MAD1L1: variants seen among roughly 807,000 people sequenced by gnomAD.
The protein encoded by MAD1L1 is mitotic spindle assembly checkpoint protein MAD1.
In MAD1L1, 95 loss-of-function variants were observed where a neutral mutation model predicts 96.9. That is an observed-to-expected ratio of 0.98 (90% confidence interval 0.83 to 1.16). The LOEUF is 1.16. Among genes scored for constraint, MAD1L1 ranks in the 50% most tolerant of loss-of-function variants. The probability of loss-of-function intolerance (pLI) is 0.00; values close to 1 mark genes in which losing one functional copy is unlikely to be tolerated. For missense variants in MAD1L1, 1,007 were observed against 954.4 expected (o/e 1.06, Z -0.73); for synonymous variants, 473 against 396.6 (o/e 1.19, Z -2.29).
intron 11 of MAD1L1, among the ~76,000 whole-genome samples, chr7:2,095,021 TAGTA>T (rs2128547321): frequency 6.6e-6 from 1 of 151,550 alleles, no homozygotes; most frequent in African/African-American, 2.4e-5. Flanking sequence ...AATCATTAAA[TAGTA>T]AATATATATA....
intron 11 of MAD1L1, among the ~76,000 whole-genome samples, chr7:2,077,385 C>T (rs1381370538): frequency 1.3e-5 from 2 of 152,198 alleles, no homozygotes; most frequent in Non-Finnish European, 2.9e-5. Context: ...AAGCCTTGAG[C>T]GACTGAGTCA....
At chr7:1,819,754 ACAC>A (rs984072908) in intron 18 of MAD1L1, among the ~76,000 whole-genome samples, 8 of 151,928 alleles carry the variant, frequency 5.3e-5, no homozygotes, top group African/African-American at 1.9e-4. Context: ...GAGACAGCGC[ACAC>A]CACCAACTCT....
At chr7:2,195,159 CT>C (rs1297498104) in intron 10 of MAD1L1, among the ~76,000 whole-genome samples, 11 of 152,246 alleles carry the variant, frequency 7.2e-5, no homozygotes, top group Non-Finnish European at 1.5e-4. Context: ...GCAGTGACCC[CT>C]ACTGGGTTAT....
chr7:2,071,006 C>T (rs1184350479), intron 11 of MAD1L1, among the ~76,000 whole-genome samples: 2 of 151,920 alleles, frequency 1.3e-5, no homozygotes, highest in Admixed American at 1.3e-4. Context: ...AGCTTCATCC[C>T]AGGGCTGGTG....
intron 10 of MAD1L1, among the ~76,000 whole-genome samples, chr7:2,211,340 C>G (rs1322857127): frequency 5.9e-5 from 9 of 152,208 alleles, no homozygotes; most frequent in Admixed American, 5.9e-4. Flanking sequence ...ACAAGCCATG[C>G]CCAGGCAGGG....
At chr7:2,100,686 C>T (rs1448168861) in intron 11 of MAD1L1, among the ~76,000 whole-genome samples, 6 of 152,232 alleles carry the variant, frequency 3.9e-5, no homozygotes, top group African/African-American at 9.6e-5. Flanking sequence ...GTGGGAGCCG[C>T]GTCCACCCAA....
At chr7:1,830,289 C>T (rs1352396637) in intron 18 of MAD1L1, among the ~76,000 whole-genome samples, 12 of 152,144 alleles carry the variant, frequency 7.9e-5, no homozygotes, top group African/African-American at 2.7e-4. Context: ...CCCAGCTACT[C>T]GGGAGGCTGA....
chr7:1,964,352 G>A (rs974948095), intron 15 of MAD1L1, among the ~76,000 whole-genome samples: 5 of 152,326 alleles, frequency 3.3e-5, no homozygotes, highest in African/African-American at 7.2e-5. Context: ...GAGCGCACGC[G>A]TGTAGCTGCA....
chr7:2,046,050 G>T (rs1317945808), intron 12 of MAD1L1, among the ~76,000 whole-genome samples: 1 of 152,194 alleles, frequency 6.6e-6, no homozygotes, highest in Non-Finnish European at 1.5e-5. Context: ...GCTGAGTGCT[G>T]CAGTGGCCAC....
At chr7:2,136,749 CT>C (rs1344639837) in intron 11 of MAD1L1, among the ~76,000 whole-genome samples, 4 of 152,200 alleles carry the variant, frequency 2.6e-5, no homozygotes, top group Non-Finnish European at 5.9e-5. Context: ...ATTTTATGTT[CT>C]GCCAAACAAG....
chr7:2,161,321 T>C (rs1046937323), intron 10 of MAD1L1, among the ~76,000 whole-genome samples: 4 of 152,064 alleles, frequency 2.6e-5, no homozygotes, highest in African/African-American at 9.6e-5. Context: ...CTGGCCAGGC[T>C]GGTCTCAGCT....
intron 11 of MAD1L1, among the ~76,000 whole-genome samples, chr7:2,087,499 C>T (rs866346200): frequency 2.0e-5 from 3 of 152,178 alleles, no homozygotes; most frequent in African/African-American, 7.2e-5. Flanking sequence ...GAGATCGCAC[C>T]ACTGCACTCC....
intron 18 of MAD1L1, among the ~76,000 whole-genome samples, chr7:1,856,748 C>G (rs1038727415): frequency 1.3e-5 from 2 of 152,172 alleles, no homozygotes; most frequent in African/African-American, 4.8e-5. Flanking sequence ...GCAGGGCCCA[C>G]GCGCACCCCG....
chr7:1,841,361 G>A (rs1230346045), intron 18 of MAD1L1, among the ~76,000 whole-genome samples: 2 of 152,184 alleles, frequency 1.3e-5, no homozygotes, highest in East Asian at 1.9e-4. Flanking sequence ...TGAAACAGAC[G>A]AGAAGTCATT....
chr7:2,077,494 G>A (rs527542248), intron 11 of MAD1L1, among the ~76,000 whole-genome samples: 3 of 152,252 alleles, frequency 2.0e-5, no homozygotes, highest in East Asian at 1.9e-4. Flanking sequence ...GGGGGGAGAC[G>A]CCCCAGTCGG....
intron 12 of MAD1L1, among the ~76,000 whole-genome samples, chr7:2,036,288 C>T (rs867640734): frequency 0.019 from 2,542 of 130,382 alleles, 4 homozygotes; most frequent in Non-Finnish European, 0.032. Flanking sequence ...GTCCAGGCTC[C>T]CAGGCATGAG....
intron 18 of MAD1L1, among the ~76,000 whole-genome samples, chr7:1,861,340 G>T (rs1181167192): frequency 1.3e-5 from 2 of 152,238 alleles, no homozygotes; most frequent in Non-Finnish European, 2.9e-5. Context: ...TGACAACGGG[G>T]CTGAGGTGGG....
intron 18 of MAD1L1, chr7:1,848,952 T>A (rs1007392541): frequency 6.5e-6 from 1 of 154,372 alleles, no homozygotes; most frequent in Non-Finnish European, 1.5e-5. Context: ...ATAACACTCA[T>A]CACCCATCAC....
chr7:1,923,437 G>A (rs914075345), intron 17 of MAD1L1, among the ~76,000 whole-genome samples: 12 of 151,710 alleles, frequency 7.9e-5, no homozygotes, highest in Admixed American at 6.6e-5. Context: ...GCAATCCTGC[G>A]CTCTTCCGCC....
Sources: allele counts gnomAD v4.1 joint callset (sites outside exome capture counted in the v4.1 genomes callset), GRCh38; gene constraint gnomAD v4.1.1; transcripts MANE v1.5; gene names NCBI Gene and HGNC (gene_info 2026-07-23, HGNC 2026-07-21).